The following UGT1A7 variants were observed in gnomAD, a reference collection of about 807,000 sequenced individuals.
UGT1A7 encodes UDP glucuronosyltransferase family 1 member A7, also known as UDP-glucuronosyltransferase 1A7.
UGT1A7 carries 33 observed loss-of-function variants against 45.6 expected under a neutral mutation model. The ratio of observed to expected loss-of-function variants is 0.72; its 90% CI spans 0.55 to 0.97. The LOEUF (loss-of-function observed/expected upper bound fraction) is 0.97, where lower values mean the gene tolerates loss of function less well. Ranked by LOEUF, UGT1A7 falls within the 50% of genes least tolerant of loss-of-function variation. UGT1A7 has a pLI of 0.00. For missense variants in UGT1A7, 684 were observed against 666.2 expected (o/e 1.03, Z -0.29); for synonymous variants, 274 against 250.6 (o/e 1.09, Z -0.88).
intron 4 of UGT1A7, among the ~76,000 whole-genome samples, chr2:233,768,711 T>G (rs2126041058): frequency 6.6e-6 from 1 of 151,246 alleles, no homozygotes; most frequent in South Asian, 2.1e-4. Flanking sequence ...AGCCTCCGTG[T>G]AGCTGGGATT....
intron 1 of UGT1A7, chr2:233,691,347 G>A: frequency 1.0e-6 from 1 of 985,522 alleles, no homozygotes; most frequent in Non-Finnish European, 1.2e-6. Flanking sequence ...GTCTTCGCAT[G>A]CCTTGAACAA....
chr2:233,760,577 A>G (rs1222761790), intron 1 of UGT1A7: 2 of 1,614,128 alleles, frequency 1.2e-6, no homozygotes, highest in Non-Finnish European at 1.7e-6. Context: ...AGTCTCGGGC[A>G]TAATGTTTTT....
intron 1 of UGT1A7, among the ~76,000 whole-genome samples, chr2:233,695,477 T>C (rs1393026251): frequency 6.6e-6 from 1 of 151,978 alleles, no homozygotes; most frequent in African/African-American, 2.4e-5. Context: ...CTTTAGATGT[T>C]TTTCTCTTTT....
chr2:233,730,566 G>A (rs1350125224), intron 1 of UGT1A7, among the ~76,000 whole-genome samples: 2 of 152,136 alleles, frequency 1.3e-5, no homozygotes, highest in African/African-American at 2.4e-5. Flanking sequence ...AATGACACAC[G>A]AAGTTCAGTT....
At chr2:233,720,989 G>A (rs570345451) in intron 1 of UGT1A7, among the ~76,000 whole-genome samples, 1 of 151,692 alleles carries the variant, frequency 6.6e-6, no homozygotes, top group Non-Finnish European at 1.5e-5. Flanking sequence ...GGGATTACAG[G>A]CAAGAGCCAC....
chr2:233,697,431 T>C (rs2075390196), intron 1 of UGT1A7, among the ~76,000 whole-genome samples: 1 of 152,048 alleles, frequency 6.6e-6, no homozygotes, highest in African/African-American at 2.4e-5. Flanking sequence ...TGTTTCCTTT[T>C]TCATTTCTGA....
Position 233,719,515 on chromosome 2 carries a change from C to A in UGT1A7, c.855+36723C>A, listed in dbSNP as rs764297894. The A allele has an allele frequency of 1.9e-6, 3 of 1,613,962 alleles. No individual in the cohort carries two copies. In the Admixed American group the frequency reaches 5.0e-5, roughly 27 times the overall value. On this transcript the variant is annotated intron_variant, in intron 1 of 4. Coordinates refer to ENST00000373426, the MANE Select transcript of UGT1A7 (RefSeq NM_019077.3). ...TGCCATACTTTTTCTGCCCCTTATG[C>A]AAGTCTTGCCTCTGAGCTTTTTCAG...
At position 233,772,831 on chromosome 2, in the gene UGT1A7, T is replaced by TCACACAAGAAAGCCAGCAAGGAAG; in HGVS notation, c.*273_*274insACACAAGAAAGCCAGCAAGGAAGC. 1 of 893,952 alleles carries TCACACAAGAAAGCCAGCAAGGAAG rather than the reference T, an allele frequency of 1.1e-6. No homozygotes were observed. The highest frequency in any genetic ancestry group is 1.6e-6 in the Non-Finnish European group (1 of 642,656). 55.4% of individuals were successfully genotyped at this position (893,952 alleles called of 1,614,324 possible). A position where few individuals can be genotyped will look rare whatever the true frequency, so the allele number is the denominator to read the frequency against. On this transcript the variant is annotated 3_prime_UTR_variant, in exon 5 of 5. Coordinates refer to ENST00000373426, the MANE Select transcript of UGT1A7 (RefSeq NM_019077.3). ...AGAGGACGTGCAGACAGGCTGGCATTCTAGATTACTTTTCTTACTCTGAAA... is the reference window on the plus strand; with the variant it reads ...AGAGGACGTGCAGACAGGCTGGCATTCACACAAGAAAGCCAGCAAGGAAGCTAGATTACTTTTCTTACTCTGAAA...
intron 1 of UGT1A7, chr2:233,729,974 A>G (rs779334131): frequency 1.9e-6 from 3 of 1,614,082 alleles, no homozygotes; most frequent in Non-Finnish European, 2.5e-6. Flanking sequence ...AACTGTGCCA[A>G]CAGGAAGCCA....
In UGT1A7 at chr2:233,768,702, G is replaced by A. The variant is rs573948432; in HGVS notation, c.1295+263G>A. On this transcript the variant is annotated intron_variant, in intron 4 of 4. Coordinates refer to ENST00000373426, the MANE Select transcript of UGT1A7 (RefSeq NM_019077.3). Reference sequence around the variant, plus strand: ...CCCACGTTCAAGCAGTTCTGCCTCAGCCTCCGTGTAGCTGGGATTACAGGT... The same window carrying A: ...CCCACGTTCAAGCAGTTCTGCCTCAACCTCCGTGTAGCTGGGATTACAGGT... 1.1e-4 allele frequency among the ~76,000 whole-genome samples: 17 copies of A among 148,464 alleles called. No homozygotes were observed. In the East Asian group the frequency reaches 3.4e-3, roughly 30 times the overall value.
At chr2:233,755,468 T>G (rs1434722423) in intron 1 of UGT1A7, 4 of 241,190 alleles carry the variant, frequency 1.7e-5, no homozygotes, top group Non-Finnish European at 3.3e-5. Context: ...CTGCTCTCTG[T>G]GAGGCTCTGT....
At chr2:233,752,528 TC>T (rs1436450769) in intron 1 of UGT1A7, 1 of 152,210 alleles carries the variant, frequency 6.6e-6, no homozygotes, top group African/African-American at 2.4e-5. Context: ...TTCTAAAAAT[TC>T]TTTAAATAAA....
At chr2:233,713,636 C>T (rs17868333) in intron 1 of UGT1A7, 157,928 of 1,613,758 alleles carry the variant, frequency 0.098, 8,751 homozygotes, top group South Asian at 0.2. Context: ...AGAACATGCT[C>T]TACCCTCTGG....
chr2:233,737,383 C>T (rs1188970880), intron 1 of UGT1A7, among the ~76,000 whole-genome samples: 6 of 152,224 alleles, frequency 3.9e-5, no homozygotes, highest in Non-Finnish European at 8.8e-5. Flanking sequence ...AGAGAATCTC[C>T]TTGTCTGCCA....
intron 1 of UGT1A7, among the ~76,000 whole-genome samples, chr2:233,724,675 T>G (rs1346427449): frequency 7.1e-6 from 1 of 141,646 alleles, no homozygotes; most frequent in Non-Finnish European, 1.5e-5. Context: ...ACTTCCTAGA[T>G]GGGATGGCGG....
At chr2:233,688,275 G>A (rs1164670990) in intron 1 of UGT1A7, among the ~76,000 whole-genome samples, 1 of 152,188 alleles carries the variant, frequency 6.6e-6, no homozygotes, top group Non-Finnish European at 1.5e-5. Context: ...ATATTCCATT[G>A]TATGGATTTA....
intron 1 of UGT1A7, among the ~76,000 whole-genome samples, chr2:233,733,088 C>T (rs1321589207): frequency 6.6e-6 from 1 of 152,072 alleles, no homozygotes; most frequent in Non-Finnish European, 1.5e-5. Flanking sequence ...AATGGGAGTT[C>T]ACTCATGGTT....
chr2:233,687,092 G>C (rs1460781839), intron 1 of UGT1A7, among the ~76,000 whole-genome samples: 4 of 152,196 alleles, frequency 2.6e-5, no homozygotes, highest in African/African-American at 9.7e-5. Flanking sequence ...CTTCAGCTGT[G>C]ACACTTGCGT....
chr2:233,764,801 C>T (rs1177973907), intron 1 of UGT1A7, among the ~76,000 whole-genome samples: 8 of 152,184 alleles, frequency 5.3e-5, no homozygotes, highest in African/African-American at 1.9e-4. Context: ...GGTGTTCTTG[C>T]TACAAACCAA....
Sources: gnomAD v4.1 joint callset for allele counts (sites outside exome capture counted in the v4.1 genomes callset) on GRCh38, gnomAD v4.1.1 for gene constraint, MANE v1.5 for transcripts, NCBI Gene and HGNC (gene_info 2026-07-23, HGNC 2026-07-21) for gene names.